HSD17B12: variants seen among roughly 807,000 people sequenced by gnomAD.
The protein encoded by HSD17B12 is very-long-chain 3-oxoacyl-CoA reductase.
Under a neutral mutation model 39.3 loss-of-function variants are expected in HSD17B12, and 32 were observed. That is an observed-to-expected ratio of 0.81 (90% CI 0.61 to 1.09). HSD17B12 has a LOEUF of 1.09. HSD17B12 is among the 50% of genes least tolerant of loss of function. HSD17B12 has a pLI of 0.00. For missense variants in HSD17B12, 342 were observed against 382.9 expected (o/e 0.89, Z 0.89); for synonymous variants, 150 against 146.7 (o/e 1.02, Z -0.16).
chr11:43,855,786 C>A lies in HSD17B12; in HGVS notation c.*538C>A, dbSNP rs1951577450. 1 of 152,290 alleles carries A rather than the reference C, an allele frequency of 6.6e-6. No homozygotes were observed. The highest frequency in any genetic ancestry group is 1.5e-5 in the Non-Finnish European group (1 of 68,008). 9.4% of individuals were successfully genotyped at this position (152,290 alleles called of 1,614,324 possible). On this transcript the variant is annotated 3_prime_UTR_variant, in exon 11 of 11. Transcript: ENST00000278353. ...GTTTGTACATTTATATGGAATTGTT[C>A]TTTATCAAGGGTAGCTAATGACATG... is the stretch of plus-strand genomic sequence containing the variant.
At chr11:43,779,966 G>C in intron 3 of HSD17B12, among the ~76,000 whole-genome samples, 1 of 151,968 alleles carries the variant, frequency 6.6e-6, no homozygotes, top group South Asian at 2.1e-4. Context: ...CAGAATTATT[G>C]GTAATCCAGT....
At chr11:43,757,805 T>C (rs926939761) in intron 3 of HSD17B12, among the ~76,000 whole-genome samples, 1 of 152,048 alleles carries the variant, frequency 6.6e-6, no homozygotes, top group Non-Finnish European at 1.5e-5. Flanking sequence ...GAGAAGTTCT[T>C]ACTTTGTTGC....
chr11:43,637,195 T>A, the HSD17B12 span, among the ~76,000 whole-genome samples: 344 of 150,774 alleles, frequency 2.3e-3, 3 homozygotes, highest in African/African-American at 8.0e-3. Context: ...AGTGACTGGA[T>A]AAGTGGACAC....
chr11:43,844,400 A>T (rs1359681189), intron 9 of HSD17B12, among the ~76,000 whole-genome samples: 1 of 152,212 alleles, frequency 6.6e-6, no homozygotes, highest in East Asian at 1.9e-4. Flanking sequence ...CACAGTAACA[A>T]CAACAAGTGA....
At chr11:43,567,295 C>T in the HSD17B12 span, among the ~76,000 whole-genome samples, 4 of 152,350 alleles carry the variant, frequency 2.6e-5, no homozygotes, top group Admixed American at 6.5e-5. Flanking sequence ...GCCTCAGCCT[C>T]CGATCTCCTG....
At chr11:43,705,373 A>G (rs138387593) in intron 1 of HSD17B12, among the ~76,000 whole-genome samples, 164 of 152,322 alleles carry the variant, frequency 1.1e-3, no homozygotes, top group Non-Finnish European at 1.9e-3. Flanking sequence ...TGGATTTTCA[A>G]TTAACTTGAA....
chr11:43,685,757 TA>T (rs1326911618), intron 1 of HSD17B12, among the ~76,000 whole-genome samples: 3 of 152,146 alleles, frequency 2.0e-5, no homozygotes, highest in Non-Finnish European at 4.4e-5. Flanking sequence ...TACTCGGGAG[TA>T]GATTTCTTTA....
At chr11:43,733,442 A>G (rs1950287562) in intron 1 of HSD17B12, among the ~76,000 whole-genome samples, 1 of 152,194 alleles carries the variant, frequency 6.6e-6, no homozygotes, top group African/African-American at 2.4e-5. Context: ...TCTGTAAAGT[A>G]TCTGCTACTG....
chr11:43,557,867 G>A, the HSD17B12 span, among the ~76,000 whole-genome samples: 6 of 151,048 alleles, frequency 4.0e-5, no homozygotes, highest in African/African-American at 1.2e-4. Context: ...GTGCTGTAAC[G>A]GGGGGGAGCC....
At chr11:43,749,607 A>G (rs978509955) in intron 1 of HSD17B12, among the ~76,000 whole-genome samples, 2 of 151,210 alleles carry the variant, frequency 1.3e-5, no homozygotes, top group Non-Finnish European at 3.0e-5. Flanking sequence ...GGTTTGTTAT[A>G]CTGTTCTCTG....
At chr11:43,780,268 C>G (rs776494346) in intron 3 of HSD17B12, among the ~76,000 whole-genome samples, 1 of 152,136 alleles carries the variant, frequency 6.6e-6, no homozygotes, top group Non-Finnish European at 1.5e-5. Context: ...TGAGTTCAAG[C>G]GATTCTCCTG....
chr11:43,621,462 C>A, the HSD17B12 span, among the ~76,000 whole-genome samples: 2 of 152,170 alleles, frequency 1.3e-5, no homozygotes, highest in Non-Finnish European at 2.9e-5. Context: ...CACCTGTAAT[C>A]TCAGCACTTT....
At chr11:43,771,528 G>A (rs1950649831) in intron 3 of HSD17B12, among the ~76,000 whole-genome samples, 1 of 148,984 alleles carries the variant, frequency 6.7e-6, no homozygotes, top group Non-Finnish European at 1.5e-5. Flanking sequence ...GTGCAGTGGG[G>A]CAATCTCAGC....
chr11:43,804,277 T>C (rs763942913), intron 4 of HSD17B12, among the ~76,000 whole-genome samples: 2 of 152,210 alleles, frequency 1.3e-5, no homozygotes, highest in African/African-American at 2.4e-5. Context: ...CTGTCCATAG[T>C]GTTGATGGCG....
At chr11:43,591,233 G>C in the HSD17B12 span, among the ~76,000 whole-genome samples, 7 of 152,070 alleles carry the variant, frequency 4.6e-5, no homozygotes, top group African/African-American at 1.7e-4. Flanking sequence ...ATTAAAATTT[G>C]CTCAGTGTTG....
In HSD17B12 at chr11:43,830,973, C is replaced by T. The variant is rs771176433; in HGVS notation, c.502-3C>T. On this transcript the variant is annotated splice_polypyrimidine_tract_variant and splice_region_variant and intron_variant, in intron 6 of 10. Transcript: ENST00000278353. Reference sequence around the variant, plus strand: ...CATGAATGTTTTGCTTTCTCTCTTGCAGATGACACAATTGGTACTGCCTGG... The same window carrying T: ...CATGAATGTTTTGCTTTCTCTCTTGTAGATGACACAATTGGTACTGCCTGG... 6.2e-6 allele frequency: 10 copies of T among 1,607,344 alleles called. No homozygotes were observed. The African/African-American group carries it at 1.3e-4, about 22-fold the overall frequency.
At chr11:43,726,072 C>T (rs1385595076) in intron 1 of HSD17B12, among the ~76,000 whole-genome samples, 1 of 152,130 alleles carries the variant, frequency 6.6e-6, no homozygotes, top group East Asian at 1.9e-4. Flanking sequence ...GCTTACAAAT[C>T]AAACGTTCTA....
At chr11:43,586,476 G>A in the HSD17B12 span, among the ~76,000 whole-genome samples, 1 of 152,228 alleles carries the variant, frequency 6.6e-6, no homozygotes, top group East Asian at 1.9e-4. Flanking sequence ...CTCTCCTCTG[G>A]GTGGCAGTTG....
At chr11:43,663,397 G>A in the HSD17B12 span, among the ~76,000 whole-genome samples, 2 of 152,072 alleles carry the variant, frequency 1.3e-5, no homozygotes, top group Admixed American at 1.3e-4. Context: ...ACCATGCCTG[G>A]CCTATTTTTT....
Sources: allele counts gnomAD v4.1 joint callset (sites outside exome capture counted in the v4.1 genomes callset), GRCh38; gene constraint gnomAD v4.1.1; transcripts MANE v1.5; gene names NCBI Gene and HGNC (gene_info 2026-07-23, HGNC 2026-07-21).